The following PPIP5K1 variants were observed in gnomAD, a reference collection of about 807,000 sequenced individuals.
PPIP5K1 encodes the protein inositol hexakisphosphate and diphosphoinositol-pentakisphosphate kinase 1.
PPIP5K1 carries 6 observed loss-of-function variants against 27.7 expected under a neutral mutation model. The ratio of observed to expected loss-of-function variants is 0.22; its 90% CI spans 0.12 to 0.43. The LOEUF is 0.43. Among genes scored for constraint, PPIP5K1 ranks in the 20% least tolerant of loss-of-function variants. The probability of loss-of-function intolerance (pLI) is 1.00; values close to 1 mark genes in which losing one functional copy is unlikely to be tolerated. For missense variants in PPIP5K1, 394 were observed against 635.4 expected, an observed-to-expected ratio of 0.62 and a Z score of 4.08; for synonymous variants, 145 against 242.6, an observed-to-expected ratio of 0.60 and a Z score of 3.74.
At chr15:43,544,227 T>A (rs973228541) in intron 30 of PPIP5K1, among the ~76,000 whole-genome samples, 1 of 152,174 alleles carries the variant, frequency 6.6e-6, no homozygotes, top group Admixed American at 6.5e-5. Context: ...TGTAAATATA[T>A]ATGTATTTTT....
chr15:43,555,523 T>C (rs769129707), intron 30 of PPIP5K1, among the ~76,000 whole-genome samples: 1 of 152,070 alleles, frequency 6.6e-6, no homozygotes, highest in Non-Finnish European at 1.5e-5. Context: ...TGAACTCAAG[T>C]GATCTGCCAG....
rs187928952 is a variant in PPIP5K1, at chr15:43,540,464, C to T, written c.3557-881G>A. Among the ~76,000 whole-genome samples, 503 of 151,488 alleles carry T rather than the reference C, an allele frequency of 3.3e-3. 3 individuals are homozygous for T. Among genetic ancestry groups the T allele is most frequent in the Non-Finnish European group, 5.8e-3 (397 of 67,900 alleles). ...CTGTAATCCCAGCACTTTAGGAGGC[C>T]GGGGCAGGCAGATCACGAGGTCAGG... On this transcript the variant is annotated intron_variant, in intron 30 of 31. Transcript: ENST00000420765.
intron 29 of PPIP5K1, 36 bp from the exon 30 acceptor site, chr15:43,558,968 C>G (rs780521690): frequency 1.2e-6 from 2 of 1,610,052 alleles, no homozygotes; most frequent in East Asian, 2.2e-5. Context: ...CAATGTTACT[C>G]CTGCCAGATA....
intron 30 of PPIP5K1, among the ~76,000 whole-genome samples, chr15:43,551,760 G>A (rs1260399126): frequency 2.0e-5 from 3 of 149,430 alleles, no homozygotes; most frequent in African/African-American, 7.4e-5. Context: ...CCGCCACTAC[G>A]CCTGGCTAAT....
chr15:43,579,598 CGTGTGTGTGTGT>C (rs1168161790), intron 10 of PPIP5K1, among the ~76,000 whole-genome samples: 2 of 29,936 alleles, frequency 6.7e-5, no homozygotes, highest in African/African-American at 4.6e-4. Flanking sequence ...TATATGTGTA[CGTGTGTGTGTGT>C]GTGTGTGTGT....
intron 31 of PPIP5K1, chr15:43,537,351 A>G (rs750350022): frequency 3.0e-6 from 1 of 330,092 alleles, no homozygotes; most frequent in East Asian, 8.5e-5. Flanking sequence ...CCTCAAAAAA[A>G]AAAAAAAAAA....
intron 30 of PPIP5K1, among the ~76,000 whole-genome samples, chr15:43,549,393 G>A (rs186149652): frequency 6.6e-5 from 10 of 152,170 alleles, no homozygotes; most frequent in Non-Finnish European, 1.5e-4. Context: ...GCCAGACACC[G>A]TGGCTCATGC....
intron 29 of PPIP5K1, among the ~76,000 whole-genome samples, chr15:43,559,148 C>T (rs1429614362): frequency 1.3e-5 from 2 of 152,172 alleles, no homozygotes; most frequent in African/African-American, 2.4e-5. Flanking sequence ...CTGCTAAGGC[C>T]TCAAGGTGAA....
intron 30 of PPIP5K1, among the ~76,000 whole-genome samples, chr15:43,543,984 T>C (rs990777260): frequency 2.0e-5 from 3 of 152,052 alleles, no homozygotes; most frequent in Non-Finnish European, 4.4e-5. Context: ...GTGGTTATGT[T>C]ACTATTTTGA....
intron 30 of PPIP5K1, among the ~76,000 whole-genome samples, chr15:43,554,458 AT>A (rs1371942237): frequency 2.0e-5 from 3 of 152,074 alleles, no homozygotes. Flanking sequence ...TCTTGTAACA[AT>A]TTTTTTACTT....
chr15:43,542,065 G>A (rs1045403328), intron 30 of PPIP5K1, among the ~76,000 whole-genome samples: 7 of 152,186 alleles, frequency 4.6e-5, no homozygotes, highest in African/African-American at 1.7e-4. Flanking sequence ...TTCCCCTTCT[G>A]ATTAGGGGTG....
At chr15:43,538,742 G>C (rs952966335) in intron 31 of PPIP5K1, among the ~76,000 whole-genome samples, 2 of 151,706 alleles carry the variant, frequency 1.3e-5, no homozygotes, top group Non-Finnish European at 2.9e-5. Flanking sequence ...TCAATCTCCT[G>C]ACCTCGTGAT....
intron 31 of PPIP5K1, among the ~76,000 whole-genome samples, chr15:43,535,776 C>T (rs990016708): frequency 3.3e-5 from 5 of 152,170 alleles, no homozygotes; most frequent in African/African-American, 1.2e-4. Flanking sequence ...TTCCAAGTTC[C>T]CAAGGCCTCT....
intron 30 of PPIP5K1, among the ~76,000 whole-genome samples, chr15:43,551,834 A>G (rs1457040912): frequency 6.6e-6 from 1 of 151,602 alleles, no homozygotes; most frequent in African/African-American, 2.4e-5. Flanking sequence ...CGATCTCCTG[A>G]CCTCGTGATC....
intron 30 of PPIP5K1, among the ~76,000 whole-genome samples, chr15:43,557,592 A>G (rs890585502): frequency 3.3e-5 from 5 of 152,098 alleles, no homozygotes; most frequent in Non-Finnish European, 7.3e-5. Context: ...AATGATTTAA[A>G]ATGTGGTAGG....
At position 43,551,606 on chromosome 15, in the gene PPIP5K1, G is replaced by GTTTTTTTTTT. The variant is rs1293557795; in HGVS notation, c.3556+7179_3556+7188dup. On this transcript the variant is annotated intron_variant, in intron 30 of 31. Transcript: ENST00000420765. ...TTTAGACTTTCTACTTCTTGATTCA[G>GTTTTTTTTTT]TTTTTTTTTTTTTTGAGACGGAGTC... is the stretch of plus-strand genomic sequence containing the variant. Among the ~76,000 whole-genome samples, 4 of 105,450 alleles carry GTTTTTTTTTT rather than the reference G, an allele frequency of 3.8e-5. 1 individual carries two copies. The highest frequency in any genetic ancestry group is 2.8e-4 in the East Asian group (1 of 3,568). 69.2% of individuals were successfully genotyped at this position (105,450 alleles called of 152,430 possible).
chr15:43,533,525 T>A lies in PPIP5K1; in HGVS notation c.*1149A>T, dbSNP rs1210942886. 6.6e-6 allele frequency: 1 copy of A among 152,390 alleles called. No homozygotes were observed. Among genetic ancestry groups the A allele is most frequent in the Non-Finnish European group, 1.5e-5 (1 of 68,004 alleles). The allele number at this position is 152,390 out of a possible 1,614,324, so 9.4% of individuals were successfully genotyped here. On this transcript the variant is annotated 3_prime_UTR_variant, in exon 32 of 32. Transcript: ENST00000420765. ...CACTCATAATGTTCCAGCCCCCGAC[T>A]CCAATGACCGCATTACCCCTCCTAC...
At chr15:43,557,103 T>C (rs887957531) in intron 30 of PPIP5K1, among the ~76,000 whole-genome samples, 2 of 152,144 alleles carry the variant, frequency 1.3e-5, no homozygotes, top group Non-Finnish European at 2.9e-5. Flanking sequence ...TGGGTTCAAT[T>C]TCAATTTTTG....
Position 43,536,096 on chromosome 15 carries a change from A to C in PPIP5K1, c.3671-620T>G, listed in dbSNP as rs1286289162. Reference sequence around the variant, plus strand: ...TAAGTTGGCAGAAGAATGTAGAAAAACCATGTAAATCAGAACAATAGGAAA... The same window carrying C: ...TAAGTTGGCAGAAGAATGTAGAAAACCCATGTAAATCAGAACAATAGGAAA... On this transcript the variant is annotated intron_variant, in intron 31 of 31. Transcript: ENST00000420765. 2.3e-6 allele frequency: 3 copies of C among 1,286,166 alleles called. No homozygotes were observed. The African/African-American group carries it at 4.6e-5, about 20-fold the overall frequency. 79.7% of individuals were successfully genotyped at this position (1,286,166 alleles called of 1,614,324 possible). A position where few individuals can be genotyped will look rare whatever the true frequency, so the allele number is the denominator to read the frequency against.
Sources: gnomAD v4.1 joint callset for allele counts (sites outside exome capture counted in the v4.1 genomes callset) on GRCh38, gnomAD v4.1.1 for gene constraint, MANE v1.5 for transcripts, NCBI Gene and HGNC (gene_info 2026-07-23, HGNC 2026-07-21) for gene names.